CLNK: variants seen among roughly 807,000 people sequenced by gnomAD.
The protein encoded by CLNK is cytokine-dependent hematopoietic cell linker.
A neutral mutation model predicts 68.6 loss-of-function variants in CLNK; 74 were observed. The ratio of observed to expected loss-of-function variants is 1.08; its 90% CI spans 0.89 to 1.31. The LOEUF is 1.31. Among genes scored for constraint, CLNK ranks in the 50% most tolerant of loss-of-function variants. The pLI is 0.00. For synonymous variants in CLNK, 198 were observed against 172.2 expected, an observed-to-expected ratio of 1.15 and a Z score of -1.17; for missense variants, 553 against 515.3, an observed-to-expected ratio of 1.07 and a Z score of -0.71.
chr4:10,717,323 T>C, the CLNK span, among the ~76,000 whole-genome samples: 2 of 152,118 alleles, frequency 1.3e-5, no homozygotes, highest in Non-Finnish European at 2.9e-5. Flanking sequence ...TGGCCGGGTG[T>C]GGTGGCTCAC....
At chr4:10,734,208 G>A in the CLNK span, among the ~76,000 whole-genome samples, 572 of 152,270 alleles carry the variant, frequency 3.8e-3, 11 homozygotes, top group Non-Finnish European at 2.8e-3. Flanking sequence ...ATTCCCAATC[G>A]TAGGATTTGC....
At chr4:10,617,891 C>A (rs6448140) in intron 2 of CLNK, among the ~76,000 whole-genome samples, 29,593 of 151,852 alleles carry the variant, frequency 0.19, 3,071 homozygotes, top group African/African-American at 0.25. Flanking sequence ...GATGTGGAGG[C>A]ATGTTCCTTA....
intron 2 of CLNK, among the ~76,000 whole-genome samples, chr4:10,630,937 G>T (rs2108868706): frequency 6.6e-6 from 1 of 152,248 alleles, no homozygotes; most frequent in South Asian, 2.1e-4. Flanking sequence ...AATGGATGGA[G>T]AAATAAATAA....
At chr4:10,652,075 A>C (rs1193428673) in intron 2 of CLNK, among the ~76,000 whole-genome samples, 1 of 152,124 alleles carries the variant, frequency 6.6e-6, no homozygotes, top group African/African-American at 2.4e-5. Flanking sequence ...AATGGAGAAA[A>C]TTATCTAGTT....
At chr4:10,714,327 A>G in the CLNK span, among the ~76,000 whole-genome samples, 1 of 152,198 alleles carries the variant, frequency 6.6e-6, no homozygotes, top group Non-Finnish European at 1.5e-5. Flanking sequence ...GGAAATAACT[A>G]CCCTCCATGA....
At chr4:10,587,875 C>T (rs1004927238) in intron 3 of CLNK, among the ~76,000 whole-genome samples, 3 of 152,200 alleles carry the variant, frequency 2.0e-5, no homozygotes, top group African/African-American at 4.8e-5. Context: ...AGGCACCGTG[C>T]AGCTGCGACC....
chr4:10,507,733 C>T (rs903370567), intron 17 of CLNK, among the ~76,000 whole-genome samples: 15 of 152,080 alleles, frequency 9.9e-5, no homozygotes, highest in Admixed American at 3.3e-4. Flanking sequence ...CCACCTACCT[C>T]GGCCTCCCAA....
At chr4:10,686,821 A>G (rs1453953359), upstream of CLNK, among the ~76,000 whole-genome samples, 2 of 152,122 alleles carry the variant, frequency 1.3e-5, no homozygotes, top group Non-Finnish European at 2.9e-5. Context: ...AATGATATGA[A>G]TATTTCTGCT....
the CLNK span, among the ~76,000 whole-genome samples, chr4:10,729,309 G>C: frequency 6.6e-6 from 1 of 152,166 alleles, no homozygotes; most frequent in African/African-American, 2.4e-5. Flanking sequence ...CTTATATACT[G>C]TTAGTAGCAA....
intron 8 of CLNK, among the ~76,000 whole-genome samples, chr4:10,553,262 CA>C (rs1166762612): frequency 1.3e-5 from 2 of 152,056 alleles, no homozygotes; most frequent in Non-Finnish European, 2.9e-5. Flanking sequence ...GAGCATGGGC[CA>C]AAGAATGTGA....
the CLNK span, among the ~76,000 whole-genome samples, chr4:10,708,988 C>A: frequency 7.9e-5 from 12 of 152,136 alleles, no homozygotes; most frequent in Non-Finnish European, 1.5e-4. Flanking sequence ...CCTGGCTTAA[C>A]AAATCAATTG....
chr4:10,680,712 C>T (rs1345639865), intron 1 of CLNK, among the ~76,000 whole-genome samples: 1 of 152,082 alleles, frequency 6.6e-6, no homozygotes, highest in African/African-American at 2.4e-5. Context: ...ACCACAAATT[C>T]GAGCAGTAGA....
intron 4 of CLNK, among the ~76,000 whole-genome samples, 171 bp from the exon 5 acceptor site, chr4:10,571,949 G>C (rs569254698): frequency 6.6e-6 from 1 of 152,242 alleles, no homozygotes; most frequent in Non-Finnish European, 1.5e-5. Flanking sequence ...CATTCTACCT[G>C]TTGCTCTTGC....
intron 2 of CLNK, among the ~76,000 whole-genome samples, chr4:10,609,039 G>A (rs1241981431): frequency 6.6e-6 from 1 of 152,190 alleles, no homozygotes; most frequent in Admixed American, 6.5e-5. Flanking sequence ...GAATTTTGAC[G>A]TAGGAACTTA....
chr4:10,667,981 T>A, intron 1 of CLNK, 70 bp from the exon 2 acceptor site: 1 of 777,530 alleles, frequency 1.3e-6, no homozygotes, highest in Admixed American at 2.9e-5. Context: ...AACAAGCCAC[T>A]GTTGCTGCTT....
the CLNK span, among the ~76,000 whole-genome samples, chr4:10,724,916 T>G: frequency 6.6e-6 from 1 of 152,142 alleles, no homozygotes; most frequent in Non-Finnish European, 1.5e-5. Context: ...CTCAATTATC[T>G]GAGACTGAAA....
At chr4:10,619,086 A>G (rs1577172556) in intron 2 of CLNK, among the ~76,000 whole-genome samples, 1 of 152,344 alleles carries the variant, frequency 6.6e-6, no homozygotes, top group South Asian at 2.1e-4. Context: ...ACAGAAAATC[A>G]GTGAGTAGCT....
chr4:10,504,804 A>G (rs1258981626), intron 17 of CLNK, among the ~76,000 whole-genome samples: 1 of 152,246 alleles, frequency 6.6e-6, no homozygotes, highest in African/African-American at 2.4e-5. Context: ...TTTAAAATAA[A>G]TTATCTTTCA....
At chr4:10,543,656 C>T (rs1719121885) in intron 8 of CLNK, among the ~76,000 whole-genome samples, 1 of 152,226 alleles carries the variant, frequency 6.6e-6, no homozygotes, top group South Asian at 2.1e-4. Context: ...CACAATACAA[C>T]ACAACACAAT....
Sources: allele counts gnomAD v4.1 joint callset (sites outside exome capture counted in the v4.1 genomes callset), GRCh38; gene constraint gnomAD v4.1.1; transcripts MANE v1.5; gene names NCBI Gene and HGNC (gene_info 2026-07-23, HGNC 2026-07-21).